Variants in THEM4 observed in about 807,000 individuals in gnomAD.
The protein encoded by THEM4 is thioesterase superfamily member 4.
A neutral mutation model predicts 25.0 loss-of-function variants in THEM4; 22 were observed. The observed-to-expected ratio is 0.88, with a 90% confidence interval of 0.63 to 1.26. The LOEUF (loss-of-function observed/expected upper bound fraction) is 1.26. THEM4 is among the 50% of genes most tolerant of loss of function. The pLI is 0.00. For missense variants in THEM4, 286 were observed against 300.3 expected, an observed-to-expected ratio of 0.95 and a Z score of 0.35; for synonymous variants, 113 against 105.6, an observed-to-expected ratio of 1.07 and a Z score of -0.43.
intron 4 of THEM4, among the ~76,000 whole-genome samples, chr1:151,878,867 T>C (rs1327450369): frequency 8.0e-6 from 1 of 124,856 alleles, no homozygotes; most frequent in Non-Finnish European, 1.8e-5. Flanking sequence ...AAAAAATTTG[T>C]TTTATTATAT....
At chr1:151,894,825 T>C in intron 2 of THEM4, 183 bp downstream of exon 2, 1 of 676,060 alleles carries the variant, frequency 1.5e-6, no homozygotes, top group Non-Finnish European at 2.5e-6. Flanking sequence ...TTCTTGACAA[T>C]AGGCTTTATG....
At chr1:151,907,255 G>A (rs1253576177) in intron 1 of THEM4, among the ~76,000 whole-genome samples, 1 of 152,146 alleles carries the variant, frequency 6.6e-6, no homozygotes, top group Non-Finnish European at 1.5e-5. Flanking sequence ...AAGAAACTCT[G>A]AACACATCCG....
rs1329188944 is a variant in THEM4, at chr1:151,871,863, A to G, written c.*3025T>C. 6.6e-6 allele frequency among the ~76,000 whole-genome samples: 1 copy of G among 152,216 alleles called. No individual in the cohort carries two copies. Among genetic ancestry groups the G allele is most frequent in the East Asian group, 1.9e-4 (1 of 5,198 alleles). On this transcript the variant is annotated 3_prime_UTR_variant, in exon 6 of 6. Transcript: ENST00000368814. ...AGAAATCTAACGATGAGAGTACAGT[A>G]CCTTCATTGTCTAAACTTCCTCCCA...
At chr1:151,899,744 C>T (rs562644939) in intron 1 of THEM4, among the ~76,000 whole-genome samples, 34 of 152,212 alleles carry the variant, frequency 2.2e-4, no homozygotes, top group African/African-American at 7.9e-4. Context: ...GGGGAATAAT[C>T]GAGGAAAACT....
chr1:151,880,259 C>T (rs751802435), intron 4 of THEM4, among the ~76,000 whole-genome samples: 7 of 151,624 alleles, frequency 4.6e-5, no homozygotes, highest in African/African-American at 9.7e-5. Context: ...GGGCGGATCA[C>T]GAGGTCAGGA....
At chr1:151,897,730 T>C (rs539548474) in intron 1 of THEM4, among the ~76,000 whole-genome samples, 2 of 152,268 alleles carry the variant, frequency 1.3e-5, no homozygotes, top group South Asian at 4.1e-4. Flanking sequence ...AGCGGACTAC[T>C]CCTGCAGGAC....
chr1:151,874,747 T>G lies in THEM4; in HGVS notation c.*141A>C. 1.3e-6 allele frequency: 1 copy of G among 759,980 alleles called. No individual in the cohort carries two copies. Among genetic ancestry groups the G allele is most frequent in the Non-Finnish European group, 2.3e-6 (1 of 435,300 alleles). The allele number at this position is 759,980 out of a possible 1,614,324, so 47.1% of individuals were successfully genotyped here. On this transcript the variant is annotated 3_prime_UTR_variant, in exon 6 of 6. Coordinates refer to ENST00000368814, the MANE Select transcript of THEM4 (RefSeq NM_053055.5). ...TGAGAAGATGGAAACTGAATCCTCT[T>G]TGTATTCAGAAGGCTGTTTCGGAAG...
intron 1 of THEM4, among the ~76,000 whole-genome samples, chr1:151,899,522 T>C (rs1353333203): frequency 7.0e-6 from 1 of 142,358 alleles, no homozygotes; most frequent in South Asian, 2.3e-4. Flanking sequence ...TTCAAGGAAA[T>C]AGCTTAAAGA....
At chr1:151,896,067 ACTGCAACCTCCACCTCCTGG>A (rs1446323455) in intron 1 of THEM4, among the ~76,000 whole-genome samples, 1 of 139,466 alleles carries the variant, frequency 7.2e-6, no homozygotes, top group African/African-American at 2.7e-5. Flanking sequence ...ATCTTGGCTC[ACTGCAACCTCCACCTCCTGG>A]GTTCAAGTGA....
At chr1:151,901,144 G>A (rs1481929122) in intron 1 of THEM4, among the ~76,000 whole-genome samples, 2 of 152,032 alleles carry the variant, frequency 1.3e-5, no homozygotes, top group African/African-American at 4.8e-5. Context: ...TCTCTGTTAG[G>A]GGCTCTCAGC....
In THEM4 at chr1:151,872,943, G is replaced by C. The variant is rs1484862194; in HGVS notation, c.*1945C>G. 6.6e-6 allele frequency among the ~76,000 whole-genome samples: 1 copy of C among 152,088 alleles called. No homozygotes were observed. The highest frequency in any genetic ancestry group is 6.5e-5 in the Admixed American group (1 of 15,280). On this transcript the variant is annotated 3_prime_UTR_variant, in exon 6 of 6. Coordinates refer to ENST00000368814, the MANE Select transcript of THEM4 (RefSeq NM_053055.5). ...ACCCGCAAAGGGTCTGTGCTGAGGG[G>C]GATTAGTAAAAGAGGAAGGCCTCTT... is the stretch of plus-strand genomic sequence containing the variant.
rs1653592316 is a variant in THEM4, at chr1:151,873,124, CTT to C, written c.*1762_*1763del. Among the ~76,000 whole-genome samples the C allele has an allele frequency of 1.3e-5, 2 of 152,210 alleles. No homozygotes were observed. The highest frequency in any genetic ancestry group is 4.1e-4 in the South Asian group (2 of 4,824). ...CGCTGGCGGCAATGCTGCTGTTACTCTTTGCTACACTGAGATGTTTGGGTGGA... is the reference window on the plus strand; with the variant it reads ...CGCTGGCGGCAATGCTGCTGTTACTCTGCTACACTGAGATGTTTGGGTGGA... On this transcript the variant is annotated 3_prime_UTR_variant, in exon 6 of 6. Transcript: ENST00000368814.
At chr1:151,888,425 C>A in intron 3 of THEM4, 42 bp from the exon 4 acceptor site, 3 of 1,487,286 alleles carry the variant, frequency 2.0e-6, no homozygotes, top group South Asian at 1.2e-5. Flanking sequence ...TTCAGAAGTT[C>A]TGAAGATAGA....
Position 151,886,429 on chromosome 1 carries a change from TA to T in THEM4, c.557+1843del, listed in dbSNP as rs1312921377. On this transcript the variant is annotated intron_variant, in intron 4 of 5. Coordinates refer to ENST00000368814, the MANE Select transcript of THEM4 (RefSeq NM_053055.5). ...TGTTTTCAAAGTAACCGTTTACATT[TA>T]TTTTTTTAGGAACGATGTTATACTT... is the stretch of plus-strand genomic sequence containing the variant. 1.3e-5 allele frequency among the ~76,000 whole-genome samples: 2 copies of T among 152,252 alleles called. 1 individual carries two copies. The highest frequency in any genetic ancestry group is 4.8e-5 in the African/African-American group (2 of 41,474).
At chr1:151,909,257 G>A (rs1654543418) in intron 1 of THEM4, 103 bp downstream of exon 1, 6 of 968,660 alleles carry the variant, frequency 6.2e-6, no homozygotes, top group Non-Finnish European at 8.9e-6. Context: ...CTTTTATTCT[G>A]AGATTGGCTG....
intron 1 of THEM4, among the ~76,000 whole-genome samples, chr1:151,906,825 C>T (rs984745214): frequency 6.6e-5 from 10 of 152,060 alleles, no homozygotes; most frequent in Admixed American, 3.3e-4. Context: ...CTGGTGTGGA[C>T]GTGGAGAACC....
intron 1 of THEM4, among the ~76,000 whole-genome samples, chr1:151,907,962 G>A (rs1383951678): frequency 3.9e-5 from 6 of 152,142 alleles, no homozygotes; most frequent in South Asian, 4.1e-4. Flanking sequence ...GCTCCAAGGC[G>A]CCGGCATGGC....
intron 4 of THEM4, among the ~76,000 whole-genome samples, chr1:151,880,866 T>A (rs1653797626): frequency 6.6e-6 from 1 of 152,184 alleles, no homozygotes; most frequent in Non-Finnish European, 1.5e-5. Flanking sequence ...TAGAGAGTCA[T>A]TACTGATTTA....
intron 1 of THEM4, among the ~76,000 whole-genome samples, chr1:151,901,805 T>G (rs1357219898): frequency 6.6e-6 from 1 of 151,974 alleles, no homozygotes; most frequent in African/African-American, 2.4e-5. Flanking sequence ...ATTGTGCCAC[T>G]GCACTCCAGC....
Sources: gnomAD v4.1 joint callset for allele counts (sites outside exome capture counted in the v4.1 genomes callset) on GRCh38, gnomAD v4.1.1 for gene constraint, MANE v1.5 for transcripts, NCBI Gene and HGNC (gene_info 2026-07-23, HGNC 2026-07-21) for gene names.